ABCB9: variants seen among roughly 807,000 people sequenced by gnomAD.
The protein encoded by ABCB9 is ABC-type oligopeptide transporter ABCB9.
ABCB9 carries 36 observed loss-of-function variants against 62.0 expected under a neutral mutation model. That is an observed-to-expected ratio of 0.58 (90% CI 0.45 to 0.77). The LOEUF is 0.77. Ranked by LOEUF, ABCB9 falls within the 30% of genes least tolerant of loss-of-function variation. The pLI is 0.00. For missense variants in ABCB9, 943 were observed against 1,054.7 expected (o/e 0.89, Z 1.47); for synonymous variants, 435 against 461.4 (o/e 0.94, Z 0.73).
intron 1 of ABCB9, among the ~76,000 whole-genome samples, chr12:122,961,249 G>A (rs11061016): frequency 0.025 from 3,788 of 151,994 alleles, 69 homozygotes; most frequent in South Asian, 0.047. Context: ...GTACAGTGGT[G>A]CGATCCCGGC....
Position 122,932,765 on chromosome 12 carries a change from T to C in ABCB9, c.1904-437A>G, listed in dbSNP as rs1319452712. Reference sequence around the variant, plus strand: ...CCCGCAAGCCCACCTGGACCAATTTTCCCCATGGACCGACTTCCTCCCATG... The same window carrying C: ...CCCGCAAGCCCACCTGGACCAATTTCCCCCATGGACCGACTTCCTCCCATG... On this transcript the variant is annotated intron_variant, in intron 10 of 11. Coordinates refer to ENST00000280560, the MANE Select transcript of ABCB9 (RefSeq NM_019625.4). This position sits in a 1 kb window ranked among gnomAD's most constrained non-coding sequence, Gnocchi z 4.7. Among the ~76,000 whole-genome samples the C allele has an allele frequency of 6.6e-6, 1 of 152,012 alleles. No individual in the cohort carries two copies. Among genetic ancestry groups the C allele is most frequent in the East Asian group, 1.9e-4 (1 of 5,178 alleles).
upstream of ABCB9, among the ~76,000 whole-genome samples, chr12:122,970,877 C>T (rs1566205474): frequency 6.6e-6 from 1 of 152,172 alleles, no homozygotes; most frequent in Non-Finnish European, 1.5e-5. Flanking sequence ...ACGGAGGAAC[C>T]TTCAATGCAC....
Position 122,940,704 on chromosome 12 carries a change from GAC to G in ABCB9, c.1569+101_1569+102del. ...CTCCTGGAGGGCAATGATCTTGCCT[GAC>G]ATATTCCCAGCTGCCCTGCCACAGC... On this transcript the variant is annotated intron_variant, in intron 8 of 11. Transcript: ENST00000280560. This position sits in a 1 kb window ranked among gnomAD's most constrained non-coding sequence, Gnocchi z 4.8. 1 of 1,378,780 alleles carries G rather than the reference GAC, an allele frequency of 7.3e-7. No homozygotes were observed. Among genetic ancestry groups the G allele is most frequent in the Non-Finnish European group, 9.7e-7 (1 of 1,036,176 alleles). 85.4% of individuals were successfully genotyped at this position (1,378,780 alleles called of 1,614,324 possible).
At chr12:122,928,123 G>A (rs1260206151), downstream of ABCB9, among the ~76,000 whole-genome samples, 1 of 152,144 alleles carries the variant, frequency 6.6e-6, no homozygotes, top group Non-Finnish European at 1.5e-5. Context: ...GATGAGATCA[G>A]CCCGGATTAT....
At chr12:122,927,638 A>C (rs1467342126), downstream of ABCB9, among the ~76,000 whole-genome samples, 2 of 152,214 alleles carry the variant, frequency 1.3e-5, no homozygotes, top group Admixed American at 1.3e-4. Flanking sequence ...TCTCAGCCTG[A>C]AAGTGCAGGG....
Position 122,932,327 on chromosome 12 carries a change from C to G in ABCB9, c.1905G>C (p.Glu635Asp). Residue 635 changes from glutamate to aspartate, a missense_variant and splice_region_variant, in exon 11 of 12, where the codon GAG becomes GAC. By Grantham distance (45) the Glu-to-Asp change is conservative. Transcript: ENST00000280560. The surrounding 1 kb of genome is among the most constrained non-coding windows in gnomAD (Gnocchi z 4.7). Reference protein sequence around the residue: ...IMELQDGYSTETGEKGAQLSG... With the variant: ...IMELQDGYSTDTGEKGAQLSG... Reference sequence around the variant, plus strand: ...ACAGCTGGGCGCCCTTCTCCCCTGTCTCTGTATGGTGGAGGCACAGAGACA... The same window carrying G: ...ACAGCTGGGCGCCCTTCTCCCCTGTGTCTGTATGGTGGAGGCACAGAGACA... 1 of 1,550,506 alleles carries G rather than the reference C, an allele frequency of 6.4e-7. No homozygotes were observed. The highest frequency in any genetic ancestry group is 1.2e-5 in the South Asian group (1 of 84,000).
intron 7 of ABCB9, among the ~76,000 whole-genome samples, chr12:122,942,549 G>A (rs1205459653): frequency 6.6e-6 from 1 of 150,936 alleles, no homozygotes; most frequent in Non-Finnish European, 1.5e-5. Flanking sequence ...AACCCGGGAG[G>A]CAGGGGTTGC....
chr12:122,959,635 C>CA lies in ABCB9; in HGVS notation c.600_601insT (p.Gly201TrpfsTer14). Reference sequence around the variant, plus strand: ...ACATGTCCCCGAGGTCCTTACTTACCCAGAGCTGCCACGATGAGGAAGAAG... The same window carrying CA: ...ACATGTCCCCGAGGTCCTTACTTACCACAGAGCTGCCACGATGAGGAAGAAG... On this transcript the variant is annotated frameshift_variant and splice_region_variant, in exon 2 of 12. Coordinates refer to ENST00000280560, the MANE Select transcript of ABCB9 (RefSeq NM_019625.4). LOFTEE classifies it high-confidence loss of function. This position sits in a 1 kb window ranked among gnomAD's most constrained non-coding sequence, Gnocchi z 5.4. 6.4e-7 allele frequency: 1 copy of CA among 1,550,592 alleles called. No individual in the cohort carries two copies. Among genetic ancestry groups the CA allele is most frequent in the Non-Finnish European group, 8.7e-7 (1 of 1,145,234 alleles).
downstream of ABCB9, chr12:122,924,599 A>G: frequency 1.4e-6 from 2 of 1,408,994 alleles, no homozygotes; most frequent in Middle Eastern, 5.3e-4. Context: ...GCACTGGGGA[A>G]TACAGCAGTG....
chr12:122,935,256 AC>A lies in ABCB9; in HGVS notation c.1903+15del. 1 of 1,592,364 alleles carries A rather than the reference AC, an allele frequency of 6.3e-7. No homozygotes were observed. The highest frequency in any genetic ancestry group is 8.6e-7 in the Non-Finnish European group (1 of 1,168,532). ...ACCCTGTGGGCCCAGGAGAGGGGCCACCCCCAGCTCCACACCTGTGCTGTAG... is the reference window on the plus strand; with the variant it reads ...ACCCTGTGGGCCCAGGAGAGGGGCCACCCCAGCTCCACACCTGTGCTGTAG... On this transcript the variant is annotated intron_variant, in intron 10 of 11. Coordinates refer to ENST00000280560, the MANE Select transcript of ABCB9 (RefSeq NM_019625.4).
chr12:122,923,438 C>T (rs4759400), intron 11 of ABCB9, among the ~76,000 whole-genome samples: 5,993 of 152,284 alleles, frequency 0.039, 190 homozygotes, highest in East Asian at 0.16. Flanking sequence ...AGGCACCCGC[C>T]ACCACGCCCG....
At chr12:122,926,420 G>A (rs911875637), downstream of ABCB9, among the ~76,000 whole-genome samples, 5 of 151,956 alleles carry the variant, frequency 3.3e-5, no homozygotes, top group South Asian at 2.1e-4. Context: ...GGTGGCAGGC[G>A]CCTGTAGTCC....
upstream of ABCB9, among the ~76,000 whole-genome samples, chr12:122,968,083 AT>A (rs2037226341): frequency 6.6e-6 from 1 of 152,088 alleles, no homozygotes; most frequent in African/African-American, 2.4e-5. Context: ...AAAAAAAAAA[AT>A]AGAAGACATA....
At position 122,959,672 on chromosome 12, in the gene ABCB9, G is replaced by A. The variant is rs370562274; in HGVS notation, c.564C>T (p.Leu188=). The change falls in exon 2 of 12, where the codon CTC becomes CTT. Residue 188 remains leucine, a synonymous_variant. Transcript: ENST00000280560. This position sits in a 1 kb window ranked among gnomAD's most constrained non-coding sequence, Gnocchi z 5.4. ...LSYTKPDVAF[L]VAASFFLIVA... ...CGATGAGGAAGAAGGAGGCGGCCAC[G>A]AGGAAGGCCACGTCGGGCTTGGTGT... 68 of 1,582,350 alleles carry A rather than the reference G, an allele frequency of 4.3e-5. No individual in the cohort carries two copies. Among genetic ancestry groups the A allele is most frequent in the Middle Eastern group, 1.7e-4 (1 of 5,970 alleles).
At chr12:122,920,973 C>A in exon 12 of ABCB9, 1 of 1,519,906 alleles carries the variant, frequency 6.6e-7, no homozygotes, top group South Asian at 1.2e-5. Flanking sequence ...ATGTTTTATA[C>A]CTGAATGGTT....
intron 1 of ABCB9, among the ~76,000 whole-genome samples, chr12:122,965,368 C>G (rs946862559): frequency 1.3e-5 from 2 of 152,220 alleles, no homozygotes; most frequent in Non-Finnish European, 2.9e-5. Flanking sequence ...CCCAGATAAG[C>G]CCATTCCATT....
At chr12:122,974,871 C>T (rs1366942937) in exon 1 of ABCB9, 2 of 177,856 alleles carry the variant, frequency 1.1e-5, no homozygotes, top group Non-Finnish European at 2.4e-5. Flanking sequence ...TTTAAACTGT[C>T]CTCAGCTCGG....
In ABCB9 at chr12:122,960,045, G is replaced by A. The variant is rs1262229743; in HGVS notation, c.191C>T (p.Ala64Val). 1 of 1,613,490 alleles carries A rather than the reference G, an allele frequency of 6.2e-7. No individual in the cohort carries two copies. The highest frequency in any genetic ancestry group is 1.1e-5 in the South Asian group (1 of 91,088). ...ACTGTTCTTGGCCACACCAATGGTG[G>A]CTCCCAGCAGCAGGCAGCTGCGGTA... ...CLYRSCLLLG[A>V]TIGVAKNSAL... is the part of the protein sequence containing the mutation. The change falls in exon 2 of 12, where the codon GCC becomes GTC. Residue 64 changes from alanine (A) to valine (V), a missense_variant. Coordinates refer to ENST00000280560, the MANE Select transcript of ABCB9 (RefSeq NM_019625.4).
intron 2 of ABCB9, among the ~76,000 whole-genome samples, chr12:122,953,649 G>A (rs897900951): frequency 1.5e-4 from 23 of 152,218 alleles, no homozygotes; most frequent in African/African-American, 5.1e-4. Context: ...GCCTCCCAAA[G>A]TGCTGGGATT....
Sources: gnomAD v4.1 joint callset for allele counts (sites outside exome capture counted in the v4.1 genomes callset) on GRCh38, gnomAD v4.1.1 for gene constraint, Gnocchi (gnomAD v3.1) non-coding constraint, MANE v1.5 for transcripts, NCBI Gene and HGNC (gene_info 2026-07-23, HGNC 2026-07-21) for gene names.